PTPRD: variants seen among roughly 807,000 people sequenced by gnomAD.
The protein encoded by PTPRD is protein tyrosine phosphatase receptor type D.
Under a neutral mutation model 214.5 loss-of-function variants are expected in PTPRD, and 34 were observed. That is an observed-to-expected ratio of 0.16 (90% confidence interval 0.12 to 0.21). PTPRD has a LOEUF of 0.21. Ranked by LOEUF, PTPRD falls within the 10% of genes least tolerant of loss-of-function variation. PTPRD has a pLI of 1.00. For missense variants in PTPRD, 2,545 were observed against 2,398.7 expected (o/e 1.06, Z -1.27); for synonymous variants, 1,128 against 845.7 (o/e 1.33, Z -5.79).
At chr9:10,149,573 C>G (rs114026626) in intron 3 of PTPRD, among the ~76,000 whole-genome samples, 432 of 152,266 alleles carry the variant, frequency 2.8e-3, no homozygotes, top group African/African-American at 9.9e-3. Context: ...CCTGCCTAGT[C>G]CCCATGACTG....
At chr9:10,583,434 G>C (rs1429417317) in intron 2 of PTPRD, among the ~76,000 whole-genome samples, 1 of 151,186 alleles carries the variant, frequency 6.6e-6, no homozygotes, top group Non-Finnish European at 1.5e-5. Flanking sequence ...AGGTCCCCTG[G>C]TTGTGGTTAT....
rs62528775 is a variant in PTPRD, at chr9:8,713,894, G to A, written c.64+19886C>T. 11 of 893,444 alleles carry A rather than the reference G, an allele frequency of 1.2e-5. No individual in the cohort carries two copies. In the Admixed American group the frequency reaches 3.0e-4, roughly 24 times the overall value. 55.3% of individuals were successfully genotyped at this position (893,444 alleles called of 1,614,324 possible). The stretch of plus-strand genomic sequence containing the variant: ...CAAATAAACTCAGGAACGCCCCGGT[G>A]GAAAAAAAAAAAAATCTTTATCCAC... On this transcript the variant is annotated intron_variant, in intron 12 of 45. Transcript: ENST00000381196.
intron 3 of PTPRD, among the ~76,000 whole-genome samples, chr9:10,256,152 C>A (rs1564822731): frequency 6.6e-6 from 1 of 152,122 alleles, no homozygotes; most frequent in African/African-American, 2.4e-5. Flanking sequence ...ACCAACCCAC[C>A]CTCTCCCATT....
chr9:9,141,928 G>A (rs1490032874), intron 10 of PTPRD, among the ~76,000 whole-genome samples: 1 of 152,104 alleles, frequency 6.6e-6, no homozygotes, highest in Non-Finnish European at 1.5e-5. Flanking sequence ...GCTTTCTCAT[G>A]TCCCCTTTCT....
chr9:10,185,740 G>A (rs373994411), intron 3 of PTPRD, among the ~76,000 whole-genome samples: 1 of 151,982 alleles, frequency 6.6e-6, no homozygotes. Context: ...TAGAACCAGC[G>A]GTTTTTTTTT....
intron 9 of PTPRD, among the ~76,000 whole-genome samples, chr9:9,290,909 T>C (rs2134088138): frequency 6.6e-6 from 1 of 151,556 alleles, no homozygotes; most frequent in African/African-American, 2.4e-5. Flanking sequence ...ATCAGTGAGA[T>C]TATATCATTA....
At chr9:8,501,185 G>C (rs2097397645) in intron 23 of PTPRD, 126 bp from the exon 24 acceptor site, 1 of 716,620 alleles carries the variant, frequency 1.4e-6, no homozygotes, top group South Asian at 2.1e-5. Flanking sequence ...ATGAAAATAA[G>C]GCTTTGAAAC....
Position 9,732,281 on chromosome 9 carries a change from A to G in PTPRD, c.-287+2252T>C, listed in dbSNP as rs577000255. 4.6e-5 allele frequency among the ~76,000 whole-genome samples: 7 copies of G among 152,266 alleles called. No homozygotes were observed. In the East Asian group the frequency reaches 1.4e-3, roughly 29 times the overall value. Reference sequence around the variant, plus strand: ...GATAACTGTGGCAATACTTAATTGTATAACTTGTATATCAAACTAGGGAAA... The same window carrying G: ...GATAACTGTGGCAATACTTAATTGTGTAACTTGTATATCAAACTAGGGAAA... On this transcript the variant is annotated intron_variant, in intron 7 of 45. Transcript: ENST00000381196.
At chr9:8,875,096 C>A (rs1445874916) in intron 11 of PTPRD, among the ~76,000 whole-genome samples, 1 of 152,142 alleles carries the variant, frequency 6.6e-6, no homozygotes, top group Non-Finnish European at 1.5e-5. Flanking sequence ...GGAGATAAAA[C>A]TAATCCCCCT....
At chr9:10,586,974 T>C (rs987923047) in intron 2 of PTPRD, among the ~76,000 whole-genome samples, 4 of 152,050 alleles carry the variant, frequency 2.6e-5, no homozygotes, top group Non-Finnish European at 4.4e-5. Flanking sequence ...CAATTAAGGG[T>C]AGATGGTGAA....
chr9:10,189,824 T>G (rs557473456), intron 3 of PTPRD, among the ~76,000 whole-genome samples: 32 of 150,714 alleles, frequency 2.1e-4, no homozygotes, highest in Non-Finnish European at 4.3e-4. Context: ...AAAGAAGGAG[T>G]AGGAGTTAGT....
intron 8 of PTPRD, among the ~76,000 whole-genome samples, chr9:9,415,709 G>A (rs978958454): frequency 3.9e-5 from 6 of 152,034 alleles, no homozygotes; most frequent in African/African-American, 1.4e-4. Flanking sequence ...AATTTAAGGT[G>A]AAAAAAAGTA....
At chr9:9,617,082 T>C (rs942850912) in intron 7 of PTPRD, among the ~76,000 whole-genome samples, 5 of 152,194 alleles carry the variant, frequency 3.3e-5, no homozygotes, top group East Asian at 1.9e-4. Flanking sequence ...ACTGTTAATA[T>C]TGTTATTCTT....
At chr9:8,801,702 C>T (rs2096574963) in intron 11 of PTPRD, among the ~76,000 whole-genome samples, 1 of 152,070 alleles carries the variant, frequency 6.6e-6, no homozygotes, top group Non-Finnish European at 1.5e-5. Flanking sequence ...GGCGACAGAG[C>T]AAGACTGTCT....
intron 9 of PTPRD, among the ~76,000 whole-genome samples, chr9:9,262,182 C>A (rs959605839): frequency 6.6e-6 from 1 of 151,504 alleles, no homozygotes; most frequent in Middle Eastern, 3.4e-3. Context: ...AAAAATACTT[C>A]TTTTAAAAAT....
chr9:8,762,640 C>G (rs1315134432), intron 11 of PTPRD, among the ~76,000 whole-genome samples: 5 of 152,152 alleles, frequency 3.3e-5, no homozygotes, highest in African/African-American at 1.2e-4. Context: ...TGGCCTGCTG[C>G]AGCATGATGA....
intron 11 of PTPRD, among the ~76,000 whole-genome samples, chr9:8,973,685 G>A (rs929508653): frequency 1.3e-5 from 2 of 152,104 alleles, no homozygotes; most frequent in Non-Finnish European, 2.9e-5. Context: ...CCCACCAACA[G>A]TGTATAAGCA....
intron 2 of PTPRD, among the ~76,000 whole-genome samples, chr9:10,546,024 C>T (rs542621007): frequency 6.6e-6 from 1 of 151,852 alleles, no homozygotes; most frequent in South Asian, 2.1e-4. Context: ...TTTTTAAAAC[C>T]CTGAATATTT....
intron 9 of PTPRD, among the ~76,000 whole-genome samples, chr9:9,312,556 C>T (rs1225172459): frequency 6.6e-6 from 1 of 152,106 alleles, no homozygotes; most frequent in Non-Finnish European, 1.5e-5. Context: ...CCGCCTACAT[C>T]CCAAAGATGT....
Sources: gnomAD v4.1 joint callset for allele counts (sites outside exome capture counted in the v4.1 genomes callset) on GRCh38, gnomAD v4.1.1 for gene constraint, MANE v1.5 for transcripts, NCBI Gene and HGNC (gene_info 2026-07-23, HGNC 2026-07-21) for gene names.